Variants in RAPGEFL1 observed in about 807,000 individuals in gnomAD.
RAPGEFL1 encodes the protein Rap guanine nucleotide exchange factor like 1, also known as rap guanine nucleotide exchange factor-like 1.
RAPGEFL1 carries 31 observed loss-of-function variants against 64.4 expected under a neutral mutation model. That is an observed-to-expected ratio of 0.48 (90% CI 0.36 to 0.65). The LOEUF is 0.65. Among genes scored for constraint, RAPGEFL1 ranks in the 30% least tolerant of loss-of-function variants. The probability of loss-of-function intolerance (pLI) is 0.00; values close to 1 mark genes in which losing one functional copy is unlikely to be tolerated. For missense variants in RAPGEFL1, 682 were observed against 677.4 expected (o/e 1.01, Z -0.08); for synonymous variants, 331 against 274.1 (o/e 1.21, Z -2.05).
intron 1 of RAPGEFL1, among the ~76,000 whole-genome samples, chr17:40,180,130 G>C (rs1286102885): frequency 1.3e-5 from 2 of 152,192 alleles, no homozygotes; most frequent in African/African-American, 4.8e-5. Context: ...GTGAGATAAA[G>C]TCTATGAAGG....
At chr17:40,193,637 G>A in intron 14 of RAPGEFL1, 27 bp from the exon 15 acceptor site, 1 of 1,613,862 alleles carries the variant, frequency 6.2e-7, no homozygotes, top group Non-Finnish European at 8.5e-7. Flanking sequence ...CTGGGAACCT[G>A]ACTGCCTCTC....
At chr17:40,192,421 G>A (rs987853093) in intron 11 of RAPGEFL1, among the ~76,000 whole-genome samples, 158 bp downstream of exon 11, 6 of 151,964 alleles carry the variant, frequency 3.9e-5, no homozygotes, top group East Asian at 1.9e-4. Flanking sequence ...GAAGGATTGC[G>A]CCCCTGTTTT....
rs1459826588 is a variant in RAPGEFL1 at position 40,177,853 on chromosome 17, G to GA, written c.-9_-8insA. 2.3e-6 allele frequency: 1 copy of GA among 427,452 alleles called. No homozygotes were observed. The highest frequency in any genetic ancestry group is 2.1e-5 in the African/African-American group (1 of 48,712). 26.5% of individuals were successfully genotyped at this position (427,452 alleles called of 1,614,324 possible). A position where few individuals can be genotyped will look rare whatever the true frequency, so the allele number is the denominator to read the frequency against. Reference sequence around the variant, plus strand: ...CCCGGCGACCCCTAGGAGAGGGGCGGGGGGGGGCATGAAGCCGCTGGAGAA... The same window carrying GA: ...CCCGGCGACCCCTAGGAGAGGGGCGGAGGGGGGGCATGAAGCCGCTGGAGAA... On this transcript the variant is annotated 5_prime_UTR_variant, in exon 1 of 15. Transcript: ENST00000620260.
rs1990247006 is a variant in RAPGEFL1 at position 40,191,131 on chromosome 17, A to G, written c.1336-185A>G. 1.6e-6 allele frequency: 1 copy of G among 628,998 alleles called. No individual in the cohort carries two copies. The highest frequency in any genetic ancestry group is 2.0e-5 in the South Asian group (1 of 49,746). The allele number at this position is 628,998 out of a possible 1,614,324, so 39.0% of individuals were successfully genotyped here. ...AGTGCTCAGTAGCTGGTGAAATATTATTAATGCTGGTTGTTTTCTTTTTCC... is the reference window on the plus strand; with the variant it reads ...AGTGCTCAGTAGCTGGTGAAATATTGTTAATGCTGGTTGTTTTCTTTTTCC... On this transcript the variant is annotated intron_variant, in intron 8 of 14. Transcript: ENST00000620260. This position sits in a 1 kb window ranked among gnomAD's most constrained non-coding sequence, Gnocchi z 5.1.
At position 40,178,215 on chromosome 17, in the gene RAPGEFL1, G is replaced by A. The variant is rs1391941252; in HGVS notation, c.354G>A (p.Gly118=). Residue 118 remains glycine, a synonymous_variant, in exon 1 of 15, where the codon GGG becomes GGA. Coordinates refer to ENST00000620260, the MANE Select transcript of RAPGEFL1 (RefSeq NM_016339.6). The part of the protein sequence containing the change: ...VPGPGPLGGG[G]PLRSPSSYSS... ...GGCCCGGGCCTCTCGGGGGAGGGGG[G>A]CCCCTGCGCTCCCCTTCCTCCTACT... 5 of 580,822 alleles carry A rather than the reference G, an allele frequency of 8.6e-6. No homozygotes were observed. The highest frequency in any genetic ancestry group is 1.6e-5 in the Non-Finnish European group (5 of 321,600). The allele number at this position is 580,822 out of a possible 1,614,324, so 36.0% of individuals were successfully genotyped here.
chr17:40,179,561 T>A (rs1989832592), intron 1 of RAPGEFL1, among the ~76,000 whole-genome samples: 2 of 151,474 alleles, frequency 1.3e-5, no homozygotes, highest in South Asian at 4.2e-4. Flanking sequence ...CTGAGAAGCT[T>A]ATTCCCTAAA....
At position 40,192,268 on chromosome 17, in the gene RAPGEFL1, G is replaced by C; in HGVS notation, c.1656+5G>C. 6.2e-7 allele frequency: 1 copy of C among 1,613,772 alleles called. No homozygotes were observed. On this transcript the variant is annotated splice_donor_5th_base_variant and intron_variant, in intron 11 of 14. Coordinates refer to ENST00000620260, the MANE Select transcript of RAPGEFL1 (RefSeq NM_016339.6). ...CGCAAATTTGAGAACCTGACGGTGA[G>C]TGGGTTTGGCTCTTTCTTCTGCTCT...
intron 5 of RAPGEFL1, 48 bp downstream of exon 5, chr17:40,189,026 G>C: frequency 1.3e-6 from 2 of 1,524,978 alleles, no homozygotes; most frequent in Non-Finnish European, 1.8e-6. Context: ...TGGCTCAGGG[G>C]GACATATCTC....
chr17:40,186,861 G>A (rs1382998375), intron 4 of RAPGEFL1, among the ~76,000 whole-genome samples: 2 of 144,326 alleles, frequency 1.4e-5, no homozygotes, highest in Non-Finnish European at 1.5e-5. Context: ...AGCACTGCAC[G>A]CCAGCCTGAC....
Position 40,190,511 on chromosome 17 carries a change from C to T in RAPGEFL1, c.1192C>T (p.Arg398Trp), listed in dbSNP as rs368704010. The change falls in exon 7 of 15, where the codon CGG becomes TGG. Residue 398 changes from arginine (R) to tryptophan (W), a missense_variant. By Grantham distance (101) the Arg-to-Trp change is moderately radical. Transcript: ENST00000620260. ...CAACAGCCACCTGTTTGCCTGTACT[C>T]GGGACAGCTATGAGGCTCTGGTAAG... The part of the protein sequence containing the change: ...GINSHLFACT[R>W]DSYEALVPLP... 1.2e-5 allele frequency: 20 copies of T among 1,614,010 alleles called. No individual in the cohort carries two copies. The highest frequency in any genetic ancestry group is 1.0e-4 in the Admixed American group (6 of 59,994).
At chr17:40,193,621 G>A (rs887764522) in intron 14 of RAPGEFL1, 43 bp from the exon 15 acceptor site, 2 of 1,613,860 alleles carry the variant, frequency 1.2e-6, no homozygotes, top group East Asian at 2.2e-5. Flanking sequence ...AGAGGAAGAA[G>A]GGAAGCTGGG....
chr17:40,191,553 G>T lies in RAPGEFL1; in HGVS notation c.1515-29G>T, dbSNP rs1279973886. On this transcript the variant is annotated intron_variant, in intron 9 of 14. Transcript: ENST00000620260. This position sits in a 1 kb window ranked among gnomAD's most constrained non-coding sequence, Gnocchi z 5.1. ...AGGCCGGAGGCCCGCGCCGCCGCCC[G>T]CCCCTGACCCCGCCTCCCACCCCCG... 2 of 1,559,788 alleles carry T rather than the reference G, an allele frequency of 1.3e-6. No homozygotes were observed. Among genetic ancestry groups the T allele is most frequent in the South Asian group, 2.3e-5 (2 of 85,706 alleles).
At position 40,189,334 on chromosome 17, in the gene RAPGEFL1, G is replaced by A. The variant is rs145549366; in HGVS notation, c.1073G>A (p.Arg358His). The A allele has an allele frequency of 7.4e-5, 119 of 1,614,072 alleles. 1 individual carries two copies. The highest frequency in any genetic ancestry group is 3.3e-4 in the Middle Eastern group (2 of 6,084). The change falls in exon 6 of 15, where the codon CGT (arginine) becomes CAT (histidine). Residue 358 changes from arginine (R) to histidine (H), a missense_variant. Physicochemically the swap from Arg to His is conservative, Grantham distance 29 (BLOSUM62 0). Coordinates refer to ENST00000620260, the MANE Select transcript of RAPGEFL1 (RefSeq NM_016339.6). Reference protein sequence around the residue: ...KLQYSEEPAGREDSLILVAVS... With the variant: ...KLQYSEEPAGHEDSLILVAVS... ...CAATATTCAGAGGAGCCCGCGGGGC[G>A]TGAGGATTCCCTCATCCTGGTAGCT...
rs1019945321 is a variant in RAPGEFL1 at position 40,177,478 on chromosome 17, C to T, written c.-384C>T. On this transcript the variant is annotated 5_prime_UTR_variant, in exon 1 of 15. Coordinates refer to ENST00000620260, the MANE Select transcript of RAPGEFL1 (RefSeq NM_016339.6). Reference sequence around the variant, plus strand: ...CGGTCTCGGTTCTGCCACCTTCCCCCTCTTCACGGCCAGGAGCGCAGCCGC... The same window carrying T: ...CGGTCTCGGTTCTGCCACCTTCCCCTTCTTCACGGCCAGGAGCGCAGCCGC... 27 of 630,606 alleles carry T rather than the reference C, an allele frequency of 4.3e-5. No individual in the cohort carries two copies. The highest frequency in any genetic ancestry group is 2.3e-4 in the South Asian group (13 of 56,936). 39.1% of individuals were successfully genotyped at this position (630,606 alleles called of 1,614,324 possible). A position where few individuals can be genotyped will look rare whatever the true frequency, so the allele number is the denominator to read the frequency against.
At chr17:40,182,026 T>A (rs1168948829) in intron 2 of RAPGEFL1, among the ~76,000 whole-genome samples, 1 of 151,576 alleles carries the variant, frequency 6.6e-6, no homozygotes, top group East Asian at 1.9e-4. Context: ...AAGGTTGCAG[T>A]GAGCCGAGAT....
At chr17:40,193,643 C>G in intron 14 of RAPGEFL1, 21 bp from the exon 15 acceptor site, 3 of 1,614,084 alleles carry the variant, frequency 1.9e-6, no homozygotes, top group African/African-American at 2.7e-5. Flanking sequence ...ACCTGACTGC[C>G]TCTCCCTCTT....
At chr17:40,188,836 C>A in intron 4 of RAPGEFL1, 30 bp from the exon 5 acceptor site, 2 of 1,568,014 alleles carry the variant, frequency 1.3e-6, no homozygotes, top group Admixed American at 1.7e-5. Flanking sequence ...CCTGGCAGGG[C>A]GTGCTGATGC....
At chr17:40,183,835 C>CTTTTTTTTTT (rs34505274) in intron 2 of RAPGEFL1, among the ~76,000 whole-genome samples, 1 of 56,880 alleles carries the variant, frequency 1.8e-5, no homozygotes, top group African/African-American at 8.0e-5. Flanking sequence ...TTTTTTTTGC[C>CTTTTTTTTTT]TTTTTTTTTT....
intron 1 of RAPGEFL1, among the ~76,000 whole-genome samples, chr17:40,179,130 C>T (rs1160444689): frequency 6.6e-6 from 1 of 151,760 alleles, no homozygotes; most frequent in African/African-American, 2.4e-5. Flanking sequence ...GCAGTGGCGC[C>T]ATCTCAGCTC....
Sources: allele counts gnomAD v4.1 joint callset (sites outside exome capture counted in the v4.1 genomes callset), GRCh38; gene constraint gnomAD v4.1.1; non-coding constraint Gnocchi (gnomAD v3.1); transcripts MANE v1.5; gene names NCBI Gene and HGNC (gene_info 2026-07-23, HGNC 2026-07-21).